Variants in SPATA13 observed in about 807,000 individuals in gnomAD.
SPATA13 encodes spermatogenesis-associated protein 13.
SPATA13 carries 50 observed loss-of-function variants against 104.0 expected under a neutral mutation model. The observed-to-expected ratio is 0.48, with a 90% CI of 0.38 to 0.61. SPATA13 has a LOEUF of 0.61. Ranked by LOEUF, SPATA13 falls within the 20% of genes least tolerant of loss-of-function variation. The pLI is 0.00. For missense variants in SPATA13, 1,524 were observed against 1,690.6 expected (o/e 0.90, Z 1.73); for synonymous variants, 606 against 667.5 (o/e 0.91, Z 1.42).
chr13:24,006,427 C>T (rs140220107), intron 2 of SPATA13, among the ~76,000 whole-genome samples: 106 of 152,254 alleles, frequency 7.0e-4, no homozygotes, highest in African/African-American at 2.4e-3. Context: ...TGTCAGACAA[C>T]GACAAGACAA....
intron 1 of SPATA13, among the ~76,000 whole-genome samples, chr13:24,163,468 G>C (rs1257935584): frequency 6.6e-6 from 1 of 152,190 alleles, no homozygotes; most frequent in Non-Finnish European, 1.5e-5. Context: ...TGCATTGAGA[G>C]TTCCGTTTCA....
intron 3 of SPATA13, among the ~76,000 whole-genome samples, chr13:24,111,990 A>G (rs1056753523): frequency 6.6e-6 from 1 of 152,204 alleles, no homozygotes; most frequent in African/African-American, 2.4e-5. Context: ...ATCGTTTTGA[A>G]TTGGATAAAG....
At chr13:24,129,925 C>A (rs555165443) in intron 3 of SPATA13, among the ~76,000 whole-genome samples, 8 of 152,242 alleles carry the variant, frequency 5.3e-5, no homozygotes, top group Admixed American at 5.2e-4. Flanking sequence ...GGGGTCCCAG[C>A]CTTTGGTTGC....
At chr13:24,083,901 T>G (rs1879630146) in intron 3 of SPATA13, among the ~76,000 whole-genome samples, 1 of 152,196 alleles carries the variant, frequency 6.6e-6, no homozygotes, top group Admixed American at 6.5e-5. Context: ...CTTCTGACAT[T>G]TTCCTTACAG....
At chr13:24,174,989 A>G (rs1321139183) in intron 1 of SPATA13, among the ~76,000 whole-genome samples, 2 of 152,180 alleles carry the variant, frequency 1.3e-5, no homozygotes, top group African/African-American at 4.8e-5. Flanking sequence ...ACTGATTTCT[A>G]GTTTAATTCC....
chr13:24,223,350 G>C lies in SPATA13; in HGVS notation c.421G>C (p.Glu141Gln). 6.4e-7 allele frequency: 1 copy of C among 1,551,374 alleles called. No homozygotes were observed. Among genetic ancestry groups the C allele is most frequent in the Non-Finnish European group, 8.7e-7 (1 of 1,147,000 alleles). The change falls in exon 2 of 13, where the codon GAG becomes CAG. Residue 141 changes from glutamate to glutamine, a missense_variant. Transcript: ENST00000382108. ...TGCCTGTTCAAAGGGAGAGGCTTCG[G>C]AGCATGGCCTGGGAAAGTCCATCCC... is the stretch of plus-strand genomic sequence containing the variant. ...SNACSKGEASEHGLGKSIPNG... is the reference protein window; with the variant it reads ...SNACSKGEASQHGLGKSIPNG...
intron 3 of SPATA13, among the ~76,000 whole-genome samples, chr13:24,032,199 G>A (rs1284247320): frequency 9.2e-5 from 14 of 152,054 alleles, no homozygotes; most frequent in African/African-American, 2.9e-4. Flanking sequence ...TCACCCTGAC[G>A]TTCCCTCTTA....
At chr13:24,019,090 A>ATTT (rs776200644) in intron 3 of SPATA13, among the ~76,000 whole-genome samples, 2,613 of 138,178 alleles carry the variant, frequency 0.019, 46 homozygotes, top group African/African-American at 0.041. Flanking sequence ...TATTATTATT[A>ATTT]TTATTTTTTT....
rs960787654 is a variant in SPATA13, at chr13:24,223,021, G to A, written c.92G>A (p.Cys31Tyr). ...NGLGPGPAAP[C>Y]AGSDLKDAKM... The stretch of plus-strand genomic sequence containing the variant: ...CTCGGGCCAGGCCCCGCAGCCCCCT[G>A]TGCAGGCTCGGACCTGAAAGACGCC... Residue 31 changes from cysteine (C) to tyrosine (Y), a missense_variant, in exon 2 of 13, where the codon TGT becomes TAT. Cys to Tyr is a radical substitution (Grantham distance 194). Around this residue, in one of 2 missense-constraint regions of SPATA13, gnomAD observed 1,089 missense variants for 1,135.9 expected, o/e 0.96. Transcript: ENST00000382108. The A allele has an allele frequency of 2.8e-5, 43 of 1,551,520 alleles. No homozygotes were observed. Among genetic ancestry groups the A allele is most frequent in the Non-Finnish European group, 3.7e-5 (43 of 1,146,920 alleles).
At chr13:24,166,532 A>G (rs1239296973) in intron 1 of SPATA13, among the ~76,000 whole-genome samples, 3 of 152,144 alleles carry the variant, frequency 2.0e-5, no homozygotes, top group South Asian at 2.1e-4. Flanking sequence ...GTATCACTAT[A>G]GCCCCAAGCA....
chr13:24,064,314 CATTTAAATGA>C (rs1374366468), intron 3 of SPATA13, among the ~76,000 whole-genome samples: 2 of 152,218 alleles, frequency 1.3e-5, no homozygotes, highest in Non-Finnish European at 2.9e-5. Context: ...ATTCAGATTA[CATTTAAATGA>C]AGTACAATTA....
intron 3 of SPATA13, among the ~76,000 whole-genome samples, chr13:24,030,070 A>G (rs7334898): frequency 0.023 from 1,936 of 84,564 alleles, 29 homozygotes; most frequent in African/African-American, 0.049. Context: ...ACACACGCAC[A>G]CACACACACA....
At chr13:24,283,116 C>T (rs1295123190) in intron 4 of SPATA13, among the ~76,000 whole-genome samples, 2 of 152,166 alleles carry the variant, frequency 1.3e-5, no homozygotes, top group African/African-American at 4.8e-5. Flanking sequence ...GATTTGCAAT[C>T]GGGCCATCGC....
chr13:24,174,965 G>A (rs1883155953), intron 1 of SPATA13, among the ~76,000 whole-genome samples: 1 of 152,110 alleles, frequency 6.6e-6, no homozygotes, highest in Non-Finnish European at 1.5e-5. Context: ...AGATTTTTTT[G>A]TTAACTTTCT....
At position 24,063,546 on chromosome 13, in the gene SPATA13, A is replaced by G. The variant is rs562711132; in HGVS notation, c.-112+45845A>G. Among the ~76,000 whole-genome samples, 153 of 152,074 alleles carry G rather than the reference A, an allele frequency of 1.0e-3. 3 individuals carry two copies. Among genetic ancestry groups the G allele is most frequent in the African/African-American group, 3.5e-3 (144 of 41,478 alleles). On this transcript the variant is annotated intron_variant, in intron 3 of 14. Coordinates refer to the SPATA13 transcript ENST00000424834. ...ATTCTCCAGAACCCTCCCTGCAGGA[A>G]ACCAAACTCCCCCACATCATCACTA... is the stretch of plus-strand genomic sequence containing the variant.
At chr13:24,231,621 G>A (rs184702917) in intron 2 of SPATA13, among the ~76,000 whole-genome samples, 2 of 152,272 alleles carry the variant, frequency 1.3e-5, no homozygotes, top group African/African-American at 2.4e-5. Context: ...GGATACCTAG[G>A]GGTGGAATTG....
chr13:24,167,812 A>G (rs1882809877), intron 1 of SPATA13, among the ~76,000 whole-genome samples: 1 of 151,908 alleles, frequency 6.6e-6, no homozygotes, highest in Non-Finnish European at 1.5e-5. Flanking sequence ...ATCTTTTTGT[A>G]TTTCTTGTCC....
intron 3 of SPATA13, among the ~76,000 whole-genome samples, chr13:24,072,825 C>CTTTTT (rs11353469): frequency 4.1e-5 from 5 of 120,652 alleles, no homozygotes; most frequent in South Asian, 2.9e-4. Flanking sequence ...CTGTTGGCTC[C>CTTTTT]TTTTTTTTTT....
At chr13:24,079,366 C>T (rs965875175) in intron 3 of SPATA13, among the ~76,000 whole-genome samples, 3 of 152,214 alleles carry the variant, frequency 2.0e-5, no homozygotes, top group African/African-American at 4.8e-5. Context: ...ACATGATCCA[C>T]GCTACTCTGA....
Sources: allele counts gnomAD v4.1 joint callset (sites outside exome capture counted in the v4.1 genomes callset), GRCh38; gene constraint gnomAD v4.1.1; regional missense constraint gnomAD v4.1.1; transcripts MANE v1.5; gene names NCBI Gene and HGNC (gene_info 2026-07-23, HGNC 2026-07-21).